The following MEGF11 variants were observed in gnomAD, a reference collection of about 807,000 sequenced individuals.
MEGF11 encodes the protein multiple EGF like domains 11, also known as multiple epidermal growth factor-like domains protein 11.
Under a neutral mutation model 146.6 loss-of-function variants are expected in MEGF11, and 126 were observed. The observed-to-expected ratio is 0.86, with a 90% CI of 0.74 to 1.00. The LOEUF (loss-of-function observed/expected upper bound fraction) is 1.00, where lower values mean the gene tolerates loss of function less well. Among genes scored for constraint, MEGF11 ranks in the 50% least tolerant of loss-of-function variants. The pLI is 0.00. For missense variants in MEGF11, 1,509 were observed against 1,521.2 expected, an observed-to-expected ratio of 0.99 and a Z score of 0.13; for synonymous variants, 532 against 583.4, an observed-to-expected ratio of 0.91 and a Z score of 1.27.
At position 65,898,780 on chromosome 15, in the gene MEGF11, C is replaced by T. The variant is rs768056758; in HGVS notation, c.3210G>A (p.Pro1070=). The part of the protein sequence containing the change: ...EMKSPVHMGS[P]YTDVPSLSTS... ...TCGACAAGGATGGCACATCTGTGTACGGAGACCCCATGTGCACAGGCGACT... is the reference window on the plus strand; with the variant it reads ...TCGACAAGGATGGCACATCTGTGTATGGAGACCCCATGTGCACAGGCGACT... Residue 1070 remains proline, a synonymous_variant, in exon 25 of 26, where the codon CCG becomes CCA. Coordinates refer to ENST00000395614, the MANE Select transcript of MEGF11 (RefSeq NM_001385028.1). 17 of 1,613,808 alleles carry T rather than the reference C, an allele frequency of 1.1e-5. No homozygotes were observed. Among genetic ancestry groups the T allele is most frequent in the African/African-American group, 4.0e-5 (3 of 74,920 alleles).
intron 1 of MEGF11, among the ~76,000 whole-genome samples, chr15:66,167,252 G>A (rs994576385): frequency 1.3e-5 from 2 of 152,154 alleles, no homozygotes; most frequent in Non-Finnish European, 2.9e-5. Context: ...TGTGCCCCAA[G>A]ACAACCCAGA....
At chr15:65,948,432 C>T (rs572684390) in intron 10 of MEGF11, among the ~76,000 whole-genome samples, 6 of 152,222 alleles carry the variant, frequency 3.9e-5, no homozygotes, top group South Asian at 2.1e-4. Context: ...TCGCTCAGTG[C>T]GCATACCGAC....
At chr15:66,000,597 A>G (rs1024836607) in intron 5 of MEGF11, among the ~76,000 whole-genome samples, 2 of 151,984 alleles carry the variant, frequency 1.3e-5, no homozygotes, top group Non-Finnish European at 2.9e-5. Flanking sequence ...CACTGTATAC[A>G]CAATCCCTGA....
At chr15:66,224,458 C>T (rs2091803730) in intron 1 of MEGF11, among the ~76,000 whole-genome samples, 1 of 151,776 alleles carries the variant, frequency 6.6e-6, no homozygotes, top group Admixed American at 6.6e-5. Flanking sequence ...GTGGCGCATG[C>T]CTGTAATCCC....
At chr15:66,063,571 A>T (rs957512759) in intron 5 of MEGF11, among the ~76,000 whole-genome samples, 1 of 152,130 alleles carries the variant, frequency 6.6e-6, no homozygotes, top group East Asian at 1.9e-4. Flanking sequence ...GCACCTACTG[A>T]GTGTGTGCAC....
chr15:66,132,318 C>G (rs1186926043), intron 1 of MEGF11, among the ~76,000 whole-genome samples: 1 of 152,244 alleles, frequency 6.6e-6, no homozygotes, highest in Non-Finnish European at 1.5e-5. Context: ...AGACAGATGG[C>G]CTCTGCCCTG....
intron 1 of MEGF11, among the ~76,000 whole-genome samples, chr15:66,130,539 A>G (rs1381836848): frequency 6.6e-6 from 1 of 152,054 alleles, no homozygotes; most frequent in African/African-American, 2.4e-5. Flanking sequence ...GTGATGGGAG[A>G]GAGAGGTAAC....
chr15:66,064,689 T>C (rs545317742), intron 5 of MEGF11, among the ~76,000 whole-genome samples: 1 of 75,884 alleles, frequency 1.3e-5, no homozygotes, highest in African/African-American at 3.0e-5. Flanking sequence ...GCTAATTTTG[T>C]ATTTTTTTTC....
At chr15:65,999,310 G>A (rs1409646212) in intron 5 of MEGF11, among the ~76,000 whole-genome samples, 1 of 152,042 alleles carries the variant, frequency 6.6e-6, no homozygotes, top group Non-Finnish European at 1.5e-5. Context: ...GATTACAGGG[G>A]TAAGCCACTG....
intron 5 of MEGF11, among the ~76,000 whole-genome samples, chr15:66,080,228 T>C (rs2085790430): frequency 6.6e-6 from 1 of 152,194 alleles, no homozygotes; most frequent in Admixed American, 6.5e-5. Flanking sequence ...CTCCTCACAA[T>C]TGAGTCTGTC....
At chr15:65,938,159 G>A (rs968193828) in intron 10 of MEGF11, among the ~76,000 whole-genome samples, 1 of 152,230 alleles carries the variant, frequency 6.6e-6, no homozygotes, top group Non-Finnish European at 1.5e-5. Context: ...TGGGTAGATA[G>A]CCCATGATGC....
intron 4 of MEGF11, among the ~76,000 whole-genome samples, chr15:66,099,173 C>A: frequency 6.6e-6 from 1 of 151,624 alleles, no homozygotes; most frequent in Middle Eastern, 3.4e-3. Context: ...TGGCCAAGAG[C>A]CACTCCCCAT....
At chr15:66,069,575 C>G (rs1372262946) in intron 5 of MEGF11, among the ~76,000 whole-genome samples, 1 of 152,158 alleles carries the variant, frequency 6.6e-6, no homozygotes, top group East Asian at 1.9e-4. Context: ...CATGGTGATG[C>G]TGGGATAGGA....
intron 1 of MEGF11, among the ~76,000 whole-genome samples, chr15:66,130,068 A>G (rs936806032): frequency 6.6e-5 from 10 of 152,112 alleles, no homozygotes; most frequent in African/African-American, 1.9e-4. Flanking sequence ...CAGAGACCCA[A>G]TGAGCACCTC....
At chr15:66,194,755 A>T (rs1266850543) in intron 1 of MEGF11, among the ~76,000 whole-genome samples, 2 of 152,176 alleles carry the variant, frequency 1.3e-5, no homozygotes, top group Non-Finnish European at 1.5e-5. Flanking sequence ...AAATCTCAGA[A>T]ATCACCACTA....
intron 5 of MEGF11, among the ~76,000 whole-genome samples, chr15:66,072,689 T>G (rs1003785803): frequency 6.6e-6 from 1 of 152,222 alleles, no homozygotes; most frequent in Admixed American, 6.5e-5. Context: ...TGGAAAACCT[T>G]GGGAAGCTGG....
chr15:66,138,552 G>A (rs1353383660), intron 1 of MEGF11, among the ~76,000 whole-genome samples: 1 of 152,090 alleles, frequency 6.6e-6, no homozygotes, highest in Non-Finnish European at 1.5e-5. Flanking sequence ...CAGCCCGGTC[G>A]GGTCACGGCC....
At chr15:66,250,667 G>A (rs2092358207) in intron 1 of MEGF11, among the ~76,000 whole-genome samples, 1 of 152,208 alleles carries the variant, frequency 6.6e-6, no homozygotes, top group Non-Finnish European at 1.5e-5. Context: ...AGCACTTTGG[G>A]AGGCCAAGGC....
chr15:66,062,733 G>A (rs2084954416), intron 5 of MEGF11, among the ~76,000 whole-genome samples: 1 of 152,184 alleles, frequency 6.6e-6, no homozygotes, highest in Non-Finnish European at 1.5e-5. Context: ...GCAATAGAAA[G>A]CTAATAAGGT....
Sources: allele counts gnomAD v4.1 joint callset (sites outside exome capture counted in the v4.1 genomes callset), GRCh38; gene constraint gnomAD v4.1.1; transcripts MANE v1.5; gene names NCBI Gene and HGNC (gene_info 2026-07-23, HGNC 2026-07-21).